The following RHOH variants were observed in gnomAD, a reference collection of about 807,000 sequenced individuals.
RHOH encodes the protein rho-related GTP-binding protein RhoH.
Under a neutral mutation model 13.8 loss-of-function variants are expected in RHOH, and 6 were observed. That is an observed-to-expected ratio of 0.44 (90% CI 0.24 to 0.86). The LOEUF (loss-of-function observed/expected upper bound fraction) is 0.86, where lower values mean the gene tolerates loss of function less well. Among genes scored for constraint, RHOH ranks in the 40% least tolerant of loss-of-function variants. The pLI is 0.24. For missense variants in RHOH, 147 were observed against 244.5 expected, an observed-to-expected ratio of 0.60 and a Z score of 2.66; for synonymous variants, 117 against 103.0, an observed-to-expected ratio of 1.14 and a Z score of -0.82.
chr4:40,225,810 A>T (rs775102944), intron 1 of RHOH, among the ~76,000 whole-genome samples: 2 of 152,172 alleles, frequency 1.3e-5, no homozygotes, highest in Non-Finnish European at 2.9e-5. Context: ...TCTCACTAAG[A>T]GAGAGGTAGG....
In RHOH at chr4:40,245,646, C is replaced by T. The variant is rs1432185981; in HGVS notation, c.*1684C>T. The T allele has an allele frequency of 6.6e-6, 1 of 151,814 alleles. No homozygotes were observed. Among genetic ancestry groups the T allele is most frequent in the Non-Finnish European group, 1.5e-5 (1 of 67,992 alleles). 9.4% of individuals were successfully genotyped at this position (151,814 alleles called of 1,614,324 possible). A position where few individuals can be genotyped will look rare whatever the true frequency, so the allele number is the denominator to read the frequency against. ...CAAAACTTAGAAACACTCTGAACCA[C>T]CTTTATGAAGGTACATCATTGTTAT... is the stretch of plus-strand genomic sequence containing the variant. On this transcript the variant is annotated 3_prime_UTR_variant, in exon 3 of 3. Transcript: ENST00000381799.
intron 1 of RHOH, among the ~76,000 whole-genome samples, chr4:40,219,410 CA>C (rs35585203): frequency 0.46 from 42,205 of 92,572 alleles, 6,997 homozygotes; most frequent in Middle Eastern, 0.55. Flanking sequence ...GACTCCATCT[CA>C]AAAAAAAAAA....
At chr4:40,200,431 C>T (rs1723818481) in intron 1 of RHOH, 1 of 152,102 alleles carries the variant, frequency 6.6e-6, no homozygotes, top group Admixed American at 6.5e-5. Flanking sequence ...TCTCATACCC[C>T]AGCCCTCACG....
At chr4:40,193,479 CGAGA>C (rs34244157), upstream of RHOH, among the ~76,000 whole-genome samples, 489 of 88,690 alleles carry the variant, frequency 5.5e-3, 6 homozygotes, top group South Asian at 0.043. Flanking sequence ...AGAATGAGAG[CGAGA>C]GAGAGAGAGA....
chr4:40,220,783 C>T (rs1726465948), intron 1 of RHOH, among the ~76,000 whole-genome samples: 1 of 152,100 alleles, frequency 6.6e-6, no homozygotes, highest in Non-Finnish European at 1.5e-5. Flanking sequence ...GTTAATAGAA[C>T]ACTATATATG....
upstream of RHOH, among the ~76,000 whole-genome samples, chr4:40,191,955 A>G (rs1055679118): frequency 6.6e-6 from 1 of 151,916 alleles, no homozygotes; most frequent in Non-Finnish European, 1.5e-5. Context: ...TTTAATAATG[A>G]ATTAAAATGC....
chr4:40,193,479 CGAGAGAGAGAGA>C (rs34244157), upstream of RHOH, among the ~76,000 whole-genome samples: 2 of 88,698 alleles, frequency 2.3e-5, no homozygotes, highest in African/African-American at 9.5e-5. Context: ...AGAATGAGAG[CGAGAGAGAGAGA>C]GAGAGAGAGA....
chr4:40,204,323 A>G (rs1724381290), intron 1 of RHOH, among the ~76,000 whole-genome samples: 1 of 152,184 alleles, frequency 6.6e-6, no homozygotes, highest in South Asian at 2.1e-4. Flanking sequence ...TTCACATTGG[A>G]GGCGCAAGTC....
Position 40,245,579 on chromosome 4 carries a change from A to G in RHOH, c.*1617A>G, listed in dbSNP as rs71608019. 0.07 allele frequency: 10,660 copies of G among 151,572 alleles called. 671 individuals are homozygous for G. Among genetic ancestry groups the G allele is most frequent in the Admixed American group, 0.19 (2,861 of 15,060 alleles). 9.4% of individuals were successfully genotyped at this position (151,572 alleles called of 1,614,324 possible). On this transcript the variant is annotated 3_prime_UTR_variant, in exon 3 of 3. Transcript: ENST00000381799. ...AAAAGAAAAAAAAGAAAGAAATTGC[A>G]AAGGCTGGCACCTAGATAGATCAAT...
intron 1 of RHOH, among the ~76,000 whole-genome samples, chr4:40,226,657 T>C (rs975431338): frequency 1.3e-5 from 2 of 152,098 alleles, no homozygotes; most frequent in African/African-American, 2.4e-5. Context: ...ATCACCTCAC[T>C]CCTTCCAGTG....
intron 1 of RHOH, among the ~76,000 whole-genome samples, chr4:40,199,160 A>C (rs2109349605): frequency 6.6e-6 from 1 of 152,258 alleles, no homozygotes; most frequent in Non-Finnish European, 1.5e-5. Flanking sequence ...GAAAATACCT[A>C]CCTCAGAGGG....
In RHOH at chr4:40,245,980, CT is replaced by C; in HGVS notation, c.*2020del. 1 of 152,410 alleles carries C rather than the reference CT, an allele frequency of 6.6e-6. No homozygotes were observed. Among genetic ancestry groups the C allele is most frequent in the South Asian group, 2.1e-4 (1 of 4,824 alleles). The allele number at this position is 152,410 out of a possible 1,614,324, so 9.4% of individuals were successfully genotyped here. The stretch of plus-strand genomic sequence containing the variant: ...GACTTCTCTGCTCTCCAGGCGGTGG[CT>C]TGTACTCACCTCTAAGTCACCCGCC... On this transcript the variant is annotated 3_prime_UTR_variant, in exon 3 of 3. Transcript: ENST00000381799.
chr4:40,243,259 A>G lies in RHOH; in HGVS notation c.-128A>G. ...AAGTAACATTCTGCAAATCGCCGTC[A>G]GAGGTCCTGAGGACACAGACCTACC... On this transcript the variant is annotated 5_prime_UTR_variant, in exon 3 of 3. Coordinates refer to ENST00000381799, the MANE Select transcript of RHOH (RefSeq NM_004310.5). The surrounding 1 kb of genome is among the most constrained non-coding windows in gnomAD (Gnocchi z 6.2). 1 of 703,096 alleles carries G rather than the reference A, an allele frequency of 1.4e-6. No homozygotes were observed. The highest frequency in any genetic ancestry group is 2.3e-6 in the Non-Finnish European group (1 of 430,028). 43.6% of individuals were successfully genotyped at this position (703,096 alleles called of 1,614,324 possible). A position where few individuals can be genotyped will look rare whatever the true frequency, so the allele number is the denominator to read the frequency against.
At chr4:40,233,568 G>T (rs1288966264) in intron 1 of RHOH, among the ~76,000 whole-genome samples, 1 of 152,160 alleles carries the variant, frequency 6.6e-6, no homozygotes, top group East Asian at 1.9e-4. Context: ...TCTAGTAGGA[G>T]TTGGCAAACT....
intron 1 of RHOH, among the ~76,000 whole-genome samples, chr4:40,199,907 T>C (rs1723737137): frequency 6.6e-6 from 1 of 152,212 alleles, no homozygotes; most frequent in African/African-American, 2.4e-5. Flanking sequence ...TTTAAAAAAA[T>C]GCAAATCCAC....
intron 1 of RHOH, among the ~76,000 whole-genome samples, chr4:40,228,775 AACCCCCAGGGCAGAGGG>A (rs2109496170): frequency 6.6e-6 from 1 of 152,314 alleles, no homozygotes; most frequent in East Asian, 1.9e-4. Context: ...AGACAACAAG[AACCCCCAGGGCAGAGGG>A]TCTTCCTCAC....
intron 1 of RHOH, among the ~76,000 whole-genome samples, chr4:40,234,586 A>G (rs1338466264): frequency 6.6e-6 from 1 of 152,116 alleles, no homozygotes; most frequent in Non-Finnish European, 1.5e-5. Context: ...GAGGCTTCAG[A>G]GCTTAATATG....
upstream of RHOH, among the ~76,000 whole-genome samples, chr4:40,195,088 A>G (rs1722984761): frequency 1.3e-5 from 2 of 152,308 alleles, no homozygotes; most frequent in African/African-American, 2.4e-5. Context: ...ACCACGTGGC[A>G]TACATTCTCT....
intron 1 of RHOH, among the ~76,000 whole-genome samples, chr4:40,237,659 A>G (rs1009920917): frequency 1.3e-5 from 2 of 152,320 alleles, no homozygotes; most frequent in East Asian, 3.9e-4. Flanking sequence ...TCATGGTGGA[A>G]TCAATTTTCT....
Sources: gnomAD v4.1 joint callset for allele counts (sites outside exome capture counted in the v4.1 genomes callset) on GRCh38, gnomAD v4.1.1 for gene constraint, Gnocchi (gnomAD v3.1) non-coding constraint, MANE v1.5 for transcripts, NCBI Gene and HGNC (gene_info 2026-07-23, HGNC 2026-07-21) for gene names.